The following ATP7A variants were observed in gnomAD, a reference collection of about 807,000 sequenced individuals.
ATP7A encodes copper-transporting ATPase 1.
Under a neutral mutation model 83.5 loss-of-function variants are expected in ATP7A, and 7 were observed. The observed-to-expected ratio is 0.08, with a 90% CI of 0.05 to 0.16. The LOEUF (loss-of-function observed/expected upper bound fraction) is 0.16. Among genes scored for constraint, ATP7A ranks in the 10% least tolerant of loss-of-function variants. The pLI is 1.00. For synonymous variants in ATP7A, 354 were observed against 395.2 expected, an observed-to-expected ratio of 0.90 and a Z score of 1.24; for missense variants, 940 against 1,120.8, an observed-to-expected ratio of 0.84 and a Z score of 2.30.
Position 77,972,754 on chromosome X carries a change from G to T in ATP7A, c.120+993G>T, listed in dbSNP as rs782568177. Among the ~76,000 whole-genome samples, 4 of 110,625 alleles carry T rather than the reference G, an allele frequency of 3.6e-5. No individual in the cohort carries two copies. In the Admixed American group the frequency reaches 3.9e-4, roughly 11 times the overall value. On this transcript the variant is annotated intron_variant, in intron 2 of 22. Transcript: ENST00000341514. ...TGGACTCAAGTGATCCTCCCACCTGGGCCTCCCAGAGTGCGGGGATTACAG... is the reference window on the plus strand; with the variant it reads ...TGGACTCAAGTGATCCTCCCACCTGTGCCTCCCAGAGTGCGGGGATTACAG...
intron 14 of ATP7A, among the ~76,000 whole-genome samples, chrX:78,025,375 C>T (rs1364436839): frequency 8.9e-6 from 1 of 112,255 alleles, no homozygotes; most frequent in African/African-American, 3.2e-5. Context: ...TAATAGCTCT[C>T]TAGCAACGGA....
intron 2 of ATP7A, among the ~76,000 whole-genome samples, chrX:77,972,553 G>A (rs1334738375): frequency 1.8e-5 from 2 of 112,125 alleles, no homozygotes. Context: ...GTTTCTCCAT[G>A]TTGGTCAGGC....
chrX:78,040,476 TG>T (rs1376498113), intron 18 of ATP7A, 114 bp from the exon 19 acceptor site: 3 of 935,829 alleles, frequency 3.2e-6, no homozygotes, highest in Non-Finnish European at 4.5e-6. Context: ...AGTTAAGCCA[TG>T]CCCTGAACAA....
intron 2 of ATP7A, chrX:77,975,480 AC>A (rs1471155663): frequency 7.6e-4 from 60 of 79,346 alleles, no homozygotes; most frequent in African/African-American, 2.5e-3. Context: ...TATTATGCTT[AC>A]TTTTTTTTTT....
chrX:77,941,442 A>G (rs1181951517), intron 1 of ATP7A, among the ~76,000 whole-genome samples: 1 of 110,940 alleles, frequency 9.0e-6, no homozygotes, highest in African/African-American at 3.3e-5. Flanking sequence ...AGGTCTCACT[A>G]TGTTGCCCAG....
intron 1 of ATP7A, among the ~76,000 whole-genome samples, chrX:77,917,810 A>G (rs944651271): frequency 5.4e-5 from 6 of 112,044 alleles, no homozygotes; most frequent in South Asian, 3.6e-4. Flanking sequence ...GGTCAGTTTT[A>G]GATTGTCTTC....
At chrX:77,997,326 A>C (rs1033879418) in intron 4 of ATP7A, among the ~76,000 whole-genome samples, 1 of 112,323 alleles carries the variant, frequency 8.9e-6, no homozygotes, top group Non-Finnish European at 1.9e-5. Flanking sequence ...AAGCTCCCCC[A>C]GGTGATTGTG....
At chrX:78,011,813 C>T (rs782404311) in intron 9 of ATP7A, 139 bp downstream of exon 9, 11 of 635,062 alleles carry the variant, frequency 1.7e-5, no homozygotes, top group Middle Eastern at 3.6e-4. Context: ...CAAAAATAAT[C>T]TTCAACTGGG....
At chrX:78,023,010 T>A (rs930617420) in intron 14 of ATP7A, among the ~76,000 whole-genome samples, 1 of 111,927 alleles carries the variant, frequency 8.9e-6, no homozygotes, top group Non-Finnish European at 1.9e-5. Flanking sequence ...GTAGCCATTG[T>A]TTAGCTCCTG....
chrX:78,046,317 G>C lies in ATP7A; in HGVS notation c.4250G>C (p.Ser1417Thr). 4 of 1,211,821 alleles carry C rather than the reference G, an allele frequency of 3.3e-6. No individual in the cohort carries two copies. Among genetic ancestry groups the C allele is most frequent in the Non-Finnish European group, 4.5e-6 (4 of 895,455 alleles). ...LKLYRKPTYE[S>T]YELPARSQIG... The stretch of plus-strand genomic sequence containing the variant: ...AGTTACAGGAAACCAACTTACGAGA[G>C]TTATGAACTGCCTGCCCGGAGCCAG... The change falls in exon 23 of 23, where the codon AGT (serine) becomes ACT (threonine). Residue 1417 changes from serine to threonine, a missense_variant. By Grantham distance (58) the Ser-to-Thr change is moderately conservative. Coordinates refer to ENST00000341514, the MANE Select transcript of ATP7A (RefSeq NM_000052.7).
At chrX:77,976,938 T>C (rs1433679527) in intron 2 of ATP7A, among the ~76,000 whole-genome samples, 4 of 111,259 alleles carry the variant, frequency 3.6e-5, no homozygotes, top group African/African-American at 1.3e-4. Flanking sequence ...GGCTCCCACA[T>C]TGCTTCTTCC....
At chrX:78,021,360 ATATAT>A (rs1352452058) in intron 14 of ATP7A, among the ~76,000 whole-genome samples, 7 of 111,677 alleles carry the variant, frequency 6.3e-5, no homozygotes, top group Non-Finnish European at 1.3e-4. Flanking sequence ...AGGACTATAG[ATATAT>A]TGAGGAAAAC....
At chrX:77,955,414 A>G (rs1426031872) in intron 1 of ATP7A, among the ~76,000 whole-genome samples, 1 of 111,862 alleles carries the variant, frequency 8.9e-6, no homozygotes, top group African/African-American at 3.2e-5. Context: ...TGTTTCTTAG[A>G]ACATTTTTCT....
At chrX:78,013,865 G>C (rs1371572821) in intron 10 of ATP7A, among the ~76,000 whole-genome samples, 2 of 104,166 alleles carry the variant, frequency 1.9e-5, no homozygotes, top group Non-Finnish European at 3.9e-5. Context: ...AACTTCACCA[G>C]CATTGCATCC....
At chrX:77,930,727 T>C in intron 1 of ATP7A, among the ~76,000 whole-genome samples, 1 of 111,638 alleles carries the variant, frequency 9.0e-6, no homozygotes, top group Non-Finnish European at 1.9e-5. Context: ...TACCTCAAGA[T>C]TGTTGTAAAG....
chrX:77,997,461 C>T (rs1392086439), intron 4 of ATP7A, among the ~76,000 whole-genome samples: 1 of 112,417 alleles, frequency 8.9e-6, no homozygotes, highest in Non-Finnish European at 1.9e-5. Flanking sequence ...TCCTGAAAAC[C>T]AGCTCTTCTG....
intron 6 of ATP7A, among the ~76,000 whole-genome samples, 180 bp from the exon 7 acceptor site, chrX:78,008,917 GAGGCA>G (rs1392517215): frequency 9.2e-6 from 1 of 108,153 alleles, no homozygotes; most frequent in Non-Finnish European, 1.9e-5. Flanking sequence ...TTGAGAGGCT[GAGGCA>G]GAAGAATCAC....
At position 77,930,514 on chromosome X, in the gene ATP7A, G is replaced by A. The variant is rs151059635; in HGVS notation, c.-22+19679G>A. Among the ~76,000 whole-genome samples, 769 of 111,816 alleles carry A rather than the reference G, an allele frequency of 6.9e-3. 9 individuals are homozygous for A. Among genetic ancestry groups the A allele is most frequent in the African/African-American group, 0.024 (739 of 30,748 alleles). On this transcript the variant is annotated intron_variant, in intron 1 of 22. Transcript: ENST00000341514. ...AGAAAAGAATTCCAGATGGTAACATGATAGGGTTCCGCAATGAAAAAGATA... is the reference window on the plus strand; with the variant it reads ...AGAAAAGAATTCCAGATGGTAACATAATAGGGTTCCGCAATGAAAAAGATA...
intron 1 of ATP7A, chrX:77,963,467 T>C (rs1286456407): frequency 8.9e-6 from 1 of 112,509 alleles, no homozygotes; most frequent in Non-Finnish European, 1.9e-5. Context: ...AAGACTATAA[T>C]TGTTTCTCTA....
Sources: allele counts gnomAD v4.1 joint callset (sites outside exome capture counted in the v4.1 genomes callset), GRCh38; gene constraint gnomAD v4.1.1; transcripts MANE v1.5; gene names NCBI Gene and HGNC (gene_info 2026-07-23, HGNC 2026-07-21).